GORAB: variants seen among roughly 807,000 people sequenced by gnomAD.
GORAB encodes golgin, RAB6 interacting, also known as RAB6-interacting golgin.
GORAB carries 17 observed loss-of-function variants against 29.9 expected under a neutral mutation model. That is an observed-to-expected ratio of 0.57 (90% CI 0.39 to 0.85). The LOEUF (loss-of-function observed/expected upper bound fraction) is 0.85, where lower values mean the gene tolerates loss of function less well. GORAB is among the 40% of genes least tolerant of loss of function. The pLI is 0.00. For synonymous variants in GORAB, 183 were observed against 157.2 expected (o/e 1.16, Z -1.23); for missense variants, 442 against 437.8 (o/e 1.01, Z -0.09).
rs764522922 is a variant in GORAB, at chr1:170,553,082, C to T, written c.*620C>T. 8.8e-6 allele frequency: 4 copies of T among 453,384 alleles called. No individual in the cohort carries two copies. The highest frequency in any genetic ancestry group is 2.4e-5 in the Admixed American group (1 of 42,480). 28.1% of individuals were successfully genotyped at this position (453,384 alleles called of 1,614,324 possible). A position where few individuals can be genotyped will look rare whatever the true frequency, so the allele number is the denominator to read the frequency against. ...TCCAGTGATTTTAGTTTACAACCTG[C>T]GTTTTGTTATTTGAAACACACACAC... On this transcript the variant is annotated 3_prime_UTR_variant, in exon 5 of 5. Coordinates refer to ENST00000367763, the MANE Select transcript of GORAB (RefSeq NM_152281.3).
rs552612657 is a variant in GORAB, at chr1:170,543,396, T to C, written c.521+804T>C. 3.4e-4 allele frequency among the ~76,000 whole-genome samples: 52 copies of C among 152,320 alleles called. No individual in the cohort carries two copies. The South Asian group carries it at 3.7e-3, about 11-fold the overall frequency. ...ACTTCCAGAAAAGTCTGTCAAACTG[T>C]TACTGCTTGAAGCTAGAGTATGTGT... On this transcript the variant is annotated intron_variant, in intron 3 of 4. Coordinates refer to ENST00000367763, the MANE Select transcript of GORAB (RefSeq NM_152281.3).
At chr1:170,547,262 G>A (rs1026619878) in intron 4 of GORAB, among the ~76,000 whole-genome samples, 1 of 151,908 alleles carries the variant, frequency 6.6e-6, no homozygotes, top group African/African-American at 2.4e-5. Flanking sequence ...TATAGTATTT[G>A]GTACAGTGCT....
At position 170,544,708 on chromosome 1, in the gene GORAB, CAA is replaced by C; in HGVS notation, c.528_529del (p.Arg177AsnfsTer20). On this transcript the variant is annotated frameshift_variant, in exon 4 of 5. Transcript: ENST00000367763. LOFTEE classifies it high-confidence loss of function. ...ACTCACATACCTGATTTTCTAGATC[CAA>C]AAGAACTCAGGCAGAGACCATGAAA... ...LLAKAIAERS[K>X]RTQAETMKLK... 1 of 1,613,616 alleles carries C rather than the reference CAA, an allele frequency of 6.2e-7. No individual in the cohort carries two copies. The highest frequency in any genetic ancestry group is 8.5e-7 in the Non-Finnish European group (1 of 1,179,690).
At chr1:170,532,418 T>A (rs560794893) in intron 1 of GORAB, 134 bp downstream of exon 1, 97 of 952,826 alleles carry the variant, frequency 1.0e-4, no homozygotes, top group Admixed American at 9.0e-4. Flanking sequence ...GTACGTGGAC[T>A]GGATTAGGGG....
At position 170,553,789 on chromosome 1, in the gene GORAB, T is replaced by G; in HGVS notation, c.*1327T>G. ...AAATACATAAAAGCCAACAGTTTCA[T>G]TGTCTAACACACTTCTTTTTCTAAG... On this transcript the variant is annotated 3_prime_UTR_variant, in exon 5 of 5. Transcript: ENST00000367763. 2.2e-6 allele frequency: 1 copy of G among 453,692 alleles called. No individual in the cohort carries two copies. Among genetic ancestry groups the G allele is most frequent in the South Asian group, 1.6e-5 (1 of 64,224 alleles). The allele number at this position is 453,692 out of a possible 1,614,324, so 28.1% of individuals were successfully genotyped here. A position where few individuals can be genotyped will look rare whatever the true frequency, so the allele number is the denominator to read the frequency against.
At chr1:170,542,442 G>T (rs1350117914) in intron 2 of GORAB, 49 bp from the exon 3 acceptor site, 1 of 1,151,006 alleles carries the variant, frequency 8.7e-7, no homozygotes, top group Admixed American at 1.7e-5. Context: ...TAGGGTAGCA[G>T]TTTCTTTTTC....
intron 1 of GORAB, among the ~76,000 whole-genome samples, chr1:170,533,860 C>A (rs1648874621): frequency 6.6e-6 from 1 of 152,140 alleles, no homozygotes; most frequent in African/African-American, 2.4e-5. Context: ...CGTAGCTAAA[C>A]ACAGTGATTG....
intron 1 of GORAB, among the ~76,000 whole-genome samples, chr1:170,534,823 A>G (rs553055378): frequency 3.9e-5 from 6 of 152,268 alleles, no homozygotes; most frequent in African/African-American, 1.2e-4. Flanking sequence ...ATTTCTTAGA[A>G]TGTATCCCTT....
chr1:170,536,961 A>G (rs1649100832), intron 1 of GORAB, among the ~76,000 whole-genome samples: 1 of 152,216 alleles, frequency 6.6e-6, no homozygotes, highest in South Asian at 2.1e-4. Context: ...GCAGGGCTTA[A>G]ATAAAGGATA....
intron 4 of GORAB, among the ~76,000 whole-genome samples, chr1:170,546,026 A>G (rs879914879): frequency 2.0e-5 from 3 of 152,214 alleles, no homozygotes; most frequent in Admixed American, 6.5e-5. Context: ...TTGCCAGAGG[A>G]ACATTTTTAT....
intron 1 of GORAB, chr1:170,533,478 G>A (rs1310792842): frequency 2.3e-6 from 1 of 426,414 alleles, no homozygotes; most frequent in Admixed American, 2.4e-5. Flanking sequence ...CAAGTGCCCT[G>A]GCCTCTGGTC....
Position 170,552,071 on chromosome 1 carries a change from G to T in GORAB, c.719G>T (p.Arg240Leu), listed in dbSNP as rs149924639. ...ATTGCAGCAAAGCTAGATATACAGC[G>T]CAAGACTGAGATAAAAGAGCAACTC... is the stretch of plus-strand genomic sequence containing the variant. ...EYIAAKLDIQ[R>L]KTEIKEQLTE... Residue 240 changes from arginine (R) to leucine (L), a missense_variant, in exon 5 of 5, where the codon CGC becomes CTC. Physicochemically the swap from Arg to Leu is moderately radical, Grantham distance 102. Coordinates refer to ENST00000367763, the MANE Select transcript of GORAB (RefSeq NM_152281.3). 1 of 1,613,972 alleles carries T rather than the reference G, an allele frequency of 6.2e-7. No homozygotes were observed. Among genetic ancestry groups the T allele is most frequent in the Non-Finnish European group, 8.5e-7 (1 of 1,179,932 alleles).
At chr1:170,543,752 A>G (rs1383798734) in intron 3 of GORAB, among the ~76,000 whole-genome samples, 1 of 152,062 alleles carries the variant, frequency 6.6e-6, no homozygotes, top group African/African-American at 2.4e-5. Context: ...CAGGCTCAGC[A>G]GTTCTTCTCA....
rs1378239668 is a variant in GORAB, at chr1:170,553,597, T to A, written c.*1135T>A. ...GTATCCATAAAAGTTTCTGAAAAAC[T>A]TAGGGACATCCTGTTTTTAAATGGG... On this transcript the variant is annotated 3_prime_UTR_variant, in exon 5 of 5. Coordinates refer to ENST00000367763, the MANE Select transcript of GORAB (RefSeq NM_152281.3). 4.4e-6 allele frequency: 2 copies of A among 452,650 alleles called. No individual in the cohort carries two copies. Among genetic ancestry groups the A allele is most frequent in the Admixed American group, 2.4e-5 (1 of 42,494 alleles). 28.0% of individuals were successfully genotyped at this position (452,650 alleles called of 1,614,324 possible).
At chr1:170,538,366 C>A (rs1449476080) in intron 1 of GORAB, among the ~76,000 whole-genome samples, 1 of 152,162 alleles carries the variant, frequency 6.6e-6, no homozygotes, top group African/African-American at 2.4e-5. Context: ...AACTTCACTT[C>A]CCAGGCATTT....
chr1:170,539,598 A>G (rs1571244475), intron 2 of GORAB, 31 bp downstream of exon 2: 1 of 1,603,772 alleles, frequency 6.2e-7, no homozygotes, highest in East Asian at 2.3e-5. Context: ...AGTCCATGAG[A>G]CTTTTCATTT....
In GORAB at chr1:170,532,367, C is replaced by A. The variant is rs1038542914; in HGVS notation, c.61+83C>A. On this transcript the variant is annotated intron_variant, in intron 1 of 4. Transcript: ENST00000367763. ...ATGCAGCTTTGGCGGGGAAAGGGGG[C>A]GTGGAAGCGGCTACGTTTGTGTTAG... The A allele has an allele frequency of 6.9e-6, 10 of 1,450,788 alleles. No homozygotes were observed. In the African/African-American group the frequency reaches 1.1e-4, roughly 16 times the overall value. 89.9% of individuals were successfully genotyped at this position (1,450,788 alleles called of 1,614,324 possible). A position where few individuals can be genotyped will look rare whatever the true frequency, so the allele number is the denominator to read the frequency against.
chr1:170,553,554 A>T lies in GORAB; in HGVS notation c.*1092A>T. 1 of 439,732 alleles carries T rather than the reference A, an allele frequency of 2.3e-6. No individual in the cohort carries two copies. Among genetic ancestry groups the T allele is most frequent in the East Asian group, 7.0e-5 (1 of 14,328 alleles). 27.2% of individuals were successfully genotyped at this position (439,732 alleles called of 1,614,324 possible). A position where few individuals can be genotyped will look rare whatever the true frequency, so the allele number is the denominator to read the frequency against. ...AAAAAGAATTATTATCAGAGAACATAAGCACAAGTATAAGATTGTATCCAT... is the reference window on the plus strand; with the variant it reads ...AAAAAGAATTATTATCAGAGAACATTAGCACAAGTATAAGATTGTATCCAT... On this transcript the variant is annotated 3_prime_UTR_variant, in exon 5 of 5. Coordinates refer to ENST00000367763, the MANE Select transcript of GORAB (RefSeq NM_152281.3).
intron 4 of GORAB, among the ~76,000 whole-genome samples, chr1:170,548,508 C>T (rs1649896050): frequency 6.6e-6 from 1 of 152,214 alleles, no homozygotes; most frequent in South Asian, 2.1e-4. Context: ...ATTTCTTTAA[C>T]AGTGGCAAGA....
Sources: allele counts gnomAD v4.1 joint callset (sites outside exome capture counted in the v4.1 genomes callset), GRCh38; gene constraint gnomAD v4.1.1; transcripts MANE v1.5; gene names NCBI Gene and HGNC (gene_info 2026-07-23, HGNC 2026-07-21).